Variants in SGCZ observed in about 807,000 individuals in gnomAD.
SGCZ encodes the protein zeta-sarcoglycan.
A neutral mutation model predicts 41.3 loss-of-function variants in SGCZ; 40 were observed. The observed-to-expected ratio is 0.97, with a 90% confidence interval of 0.75 to 1.26. SGCZ has a LOEUF of 1.26. Among genes scored for constraint, SGCZ ranks in the 50% most tolerant of loss-of-function variants. The pLI is 0.00. For synonymous variants in SGCZ, 206 were observed against 137.5 expected (o/e 1.50, Z -3.49); for missense variants, 552 against 369.8 (o/e 1.49, Z -4.04).
chr8:14,424,965 T>C (rs1388071719), intron 2 of SGCZ, among the ~76,000 whole-genome samples: 1 of 152,220 alleles, frequency 6.6e-6, no homozygotes, highest in African/African-American at 2.4e-5. Flanking sequence ...TTTATCAGGG[T>C]AATTGAGAAA....
At chr8:14,348,548 T>C (rs28653646) in intron 2 of SGCZ, among the ~76,000 whole-genome samples, 10,175 of 152,194 alleles carry the variant, frequency 0.067, 609 homozygotes, top group African/African-American at 0.15. Context: ...TTATATCTTG[T>C]TCATCAATGT....
rs573404191 is a variant in SGCZ, at chr8:15,035,269, G to T, written c.39+202316C>A. Among the ~76,000 whole-genome samples, 5 of 152,228 alleles carry T rather than the reference G, an allele frequency of 3.3e-5. No individual in the cohort carries two copies. In the South Asian group the frequency reaches 1.0e-3, roughly 32 times the overall value. Reference sequence around the variant, plus strand: ...TGCAATTAAAGCTAATTTGTTATCAGCTTAAACTAGCCTGTTGTAACTATA... The same window carrying T: ...TGCAATTAAAGCTAATTTGTTATCATCTTAAACTAGCCTGTTGTAACTATA... On this transcript the variant is annotated intron_variant, in intron 1 of 7. Coordinates refer to ENST00000382080, the MANE Select transcript of SGCZ (RefSeq NM_139167.4).
At chr8:14,529,027 C>T (rs1412022109) in intron 2 of SGCZ, among the ~76,000 whole-genome samples, 1 of 152,032 alleles carries the variant, frequency 6.6e-6, no homozygotes, top group African/African-American at 2.4e-5. Flanking sequence ...TCAATTCTTT[C>T]TCATCAACAT....
chr8:14,601,943 AC>A (rs1805602376), intron 1 of SGCZ, among the ~76,000 whole-genome samples: 1 of 151,860 alleles, frequency 6.6e-6, no homozygotes, highest in African/African-American at 2.4e-5. Flanking sequence ...ACACGGTGAA[AC>A]CCCGTCTCTA....
chr8:15,015,661 G>A (rs4831670), intron 1 of SGCZ, among the ~76,000 whole-genome samples: 89,445 of 136,816 alleles, frequency 0.65, 34,073 homozygotes, highest in Non-Finnish European at 0.85. Flanking sequence ...GCACTCCAGC[G>A]TAGGCAACAG....
chr8:15,214,633 G>A (rs1801341452), intron 1 of SGCZ, among the ~76,000 whole-genome samples: 2 of 152,072 alleles, frequency 1.3e-5, no homozygotes, highest in Non-Finnish European at 2.9e-5. Flanking sequence ...GCAATCTCAG[G>A]CAGTTCCCTG....
intron 1 of SGCZ, among the ~76,000 whole-genome samples, chr8:14,811,518 C>CCTTTT (rs1801737171): frequency 2.0e-5 from 1 of 49,744 alleles, no homozygotes; most frequent in Non-Finnish European, 3.6e-5. Context: ...GACACTGCAT[C>CCTTTT]TTTTTTTTTT....
rs1188331361 is a variant in SGCZ at position 14,554,863 on chromosome 8, G to T, written c.103C>A (p.Gln35Lys). Reference protein sequence around the residue: ...QNNLPRTENAQLYPVGIYGWR... With the variant: ...QNNLPRTENAKLYPVGIYGWR... ...CCATAAATTCCCACTGGGTAAAGTT[G>T]TGCATTCTCAGTCCTTGGCAGGTTA... is the stretch of plus-strand genomic sequence containing the variant. Residue 35 changes from glutamine to lysine, a missense_variant, in exon 2 of 8, where the codon CAA becomes AAA. Physicochemically the swap from Gln to Lys is moderately conservative, Grantham distance 53. Transcript: ENST00000382080. 1.2e-6 allele frequency: 2 copies of T among 1,612,980 alleles called. No individual in the cohort carries two copies. Among genetic ancestry groups the T allele is most frequent in the Non-Finnish European group, 8.5e-7 (1 of 1,179,516 alleles).
At chr8:14,291,361 G>C (rs1800835549) in intron 3 of SGCZ, among the ~76,000 whole-genome samples, 1 of 152,064 alleles carries the variant, frequency 6.6e-6, no homozygotes, top group South Asian at 2.1e-4. Flanking sequence ...TAATTACCTT[G>C]ACTTCATCAA....
At chr8:14,881,477 G>T (rs1331210213) in intron 1 of SGCZ, among the ~76,000 whole-genome samples, 1 of 152,102 alleles carries the variant, frequency 6.6e-6, no homozygotes, top group Non-Finnish European at 1.5e-5. Context: ...GTGAAAAGAT[G>T]CAGATTGCAG....
chr8:14,808,342 G>C (rs1801620063), intron 1 of SGCZ, among the ~76,000 whole-genome samples: 2 of 151,814 alleles, frequency 1.3e-5, no homozygotes, highest in African/African-American at 4.8e-5. Context: ...TCTGACAAAG[G>C]GCTAATATCC....
At chr8:14,347,962 C>G (rs1802949085) in intron 2 of SGCZ, among the ~76,000 whole-genome samples, 1 of 152,142 alleles carries the variant, frequency 6.6e-6, no homozygotes, top group South Asian at 2.1e-4. Context: ...GCAACTCCCT[C>G]TTTCTCTTCC....
intron 1 of SGCZ, among the ~76,000 whole-genome samples, chr8:14,858,303 T>C (rs921661361): frequency 2.0e-5 from 3 of 152,084 alleles, no homozygotes; most frequent in Non-Finnish European, 4.4e-5. Flanking sequence ...ACAGAAGTAA[T>C]ATTTTATTTA....
chr8:14,182,773 C>T (rs1804771872), intron 4 of SGCZ, among the ~76,000 whole-genome samples: 1 of 151,918 alleles, frequency 6.6e-6, no homozygotes, highest in African/African-American at 2.4e-5. Context: ...CTTTGGGAGG[C>T]CGAGAGGGGG....
intron 1 of SGCZ, among the ~76,000 whole-genome samples, chr8:14,860,273 A>G (rs940802322): frequency 6.6e-5 from 10 of 151,846 alleles, no homozygotes; most frequent in African/African-American, 2.2e-4. Flanking sequence ...GGATTTCTAC[A>G]AGCCTTTAAA....
intron 1 of SGCZ, among the ~76,000 whole-genome samples, chr8:15,012,037 T>C (rs542415796): frequency 1.3e-5 from 2 of 152,320 alleles, no homozygotes; most frequent in South Asian, 2.1e-4. Context: ...CAGAATTCTG[T>C]TTAACTACTC....
At chr8:14,334,131 A>T (rs1802429116) in intron 2 of SGCZ, among the ~76,000 whole-genome samples, 1 of 152,076 alleles carries the variant, frequency 6.6e-6, no homozygotes. Context: ...GAACAAAATC[A>T]CATTTCTAGA....
At chr8:14,817,776 C>T (rs979770916) in intron 1 of SGCZ, among the ~76,000 whole-genome samples, 1 of 152,160 alleles carries the variant, frequency 6.6e-6, no homozygotes, top group Non-Finnish European at 1.5e-5. Context: ...TTGTTGTGCA[C>T]AGCCCATGTA....
intron 1 of SGCZ, among the ~76,000 whole-genome samples, chr8:15,081,046 C>G (rs1309227710): frequency 2.6e-5 from 4 of 152,230 alleles, no homozygotes; most frequent in Admixed American, 2.6e-4. Flanking sequence ...GATCTTCGAC[C>G]TCCAGCCTCC....
Sources: gnomAD v4.1 joint callset for allele counts (sites outside exome capture counted in the v4.1 genomes callset) on GRCh38, gnomAD v4.1.1 for gene constraint, MANE v1.5 for transcripts, NCBI Gene and HGNC (gene_info 2026-07-23, HGNC 2026-07-21) for gene names.